The following CDH11 variants were observed in gnomAD, a reference collection of about 807,000 sequenced individuals.
CDH11 encodes the protein cadherin-11.
Under a neutral mutation model 67.8 loss-of-function variants are expected in CDH11, and 11 were observed. The ratio of observed to expected loss-of-function variants is 0.16; its 90% CI spans 0.10 to 0.27. The LOEUF (loss-of-function observed/expected upper bound fraction) is 0.27. Ranked by LOEUF, CDH11 falls within the 10% of genes least tolerant of loss-of-function variation. The probability of loss-of-function intolerance (pLI) is 1.00; values close to 1 mark genes in which losing one functional copy is unlikely to be tolerated. For missense variants in CDH11, 847 were observed against 1,031.2 expected, an observed-to-expected ratio of 0.82 and a Z score of 2.45; for synonymous variants, 419 against 400.0, an observed-to-expected ratio of 1.05 and a Z score of -0.57.
intron 11 of CDH11, among the ~76,000 whole-genome samples, chr16:64,958,051 A>G (rs545058327): frequency 2.0e-4 from 31 of 152,248 alleles, no homozygotes; most frequent in Admixed American, 3.9e-4. Context: ...ACCTGTACAC[A>G]TTACTGCATA....
intron 8 of CDH11, 76 bp from the exon 9 acceptor site, chr16:64,973,116 A>C: frequency 7.3e-7 from 1 of 1,376,666 alleles, no homozygotes; most frequent in Non-Finnish European, 1.0e-6. Flanking sequence ...TCTCCATGCT[A>C]TATTTAAATC....
rs114863277 is a variant in CDH11, at chr16:65,076,467, T to A, written c.-297-22539A>T. Among the ~76,000 whole-genome samples, 651 of 152,268 alleles carry A rather than the reference T, an allele frequency of 4.3e-3. 7 individuals are homozygous for A. Among genetic ancestry groups the A allele is most frequent in the African/African-American group, 0.015 (610 of 41,560 alleles). ...TCTCATGGCCTGAAGAAAAGGAGAC[T>A]GGGTGGAGAAAAAGGTGGAAACAAG... On this transcript the variant is annotated intron_variant, in intron 1 of 12. Transcript: ENST00000268603.
intron 1 of CDH11, among the ~76,000 whole-genome samples, chr16:65,077,711 G>T (rs773277669): frequency 6.6e-6 from 1 of 152,116 alleles, no homozygotes; most frequent in African/African-American, 2.4e-5. Flanking sequence ...TAAATATTAC[G>T]TCATTACGCA....
chr16:65,108,947 G>C (rs771531049), intron 1 of CDH11, among the ~76,000 whole-genome samples: 13 of 152,092 alleles, frequency 8.5e-5, no homozygotes, highest in Admixed American at 2.0e-4. Flanking sequence ...AAGAGTTCGA[G>C]ACCAGCCTGG....
chr16:64,959,991 A>G (rs930424811), intron 11 of CDH11, among the ~76,000 whole-genome samples: 1 of 152,076 alleles, frequency 6.6e-6, no homozygotes, highest in Non-Finnish European at 1.5e-5. Context: ...CTGCTTTCTT[A>G]TTTTTATTTT....
chr16:65,072,099 A>G (rs2074427921), intron 1 of CDH11: 1 of 152,526 alleles, frequency 6.6e-6, no homozygotes, highest in East Asian at 1.9e-4. Flanking sequence ...GACTTCCTTG[A>G]CAGGCAGATT....
At chr16:65,040,146 G>A (rs1235376320) in intron 2 of CDH11, among the ~76,000 whole-genome samples, 2 of 152,172 alleles carry the variant, frequency 1.3e-5, no homozygotes, top group Non-Finnish European at 2.9e-5. Flanking sequence ...AGTCAGTGGG[G>A]CAATTTCTCA....
At chr16:64,952,836 A>G (rs903040720) in intron 11 of CDH11, among the ~76,000 whole-genome samples, 2 of 152,034 alleles carry the variant, frequency 1.3e-5, no homozygotes, top group Admixed American at 6.6e-5. Context: ...TGTAGTAGGG[A>G]AAAAAAATCT....
chr16:64,952,200 C>G (rs772044310), intron 11 of CDH11, among the ~76,000 whole-genome samples: 1 of 152,190 alleles, frequency 6.6e-6, no homozygotes, highest in Non-Finnish European at 1.5e-5. Context: ...CAAAAGTCAT[C>G]TCTTCAGGGA....
chr16:65,085,658 G>C (rs1436449178), intron 1 of CDH11, among the ~76,000 whole-genome samples: 1 of 152,164 alleles, frequency 6.6e-6, no homozygotes, highest in Non-Finnish European at 1.5e-5. Context: ...ACTCGGTTCT[G>C]CTTTTTACTG....
chr16:65,036,641 A>T (rs2073760571), intron 2 of CDH11, among the ~76,000 whole-genome samples: 1 of 152,112 alleles, frequency 6.6e-6, no homozygotes, highest in Non-Finnish European at 1.5e-5. Flanking sequence ...TGCCTGCAGG[A>T]TGTCGTTTTG....
intron 8 of CDH11, among the ~76,000 whole-genome samples, chr16:64,973,944 G>A (rs1401148215): frequency 6.6e-6 from 1 of 152,172 alleles, no homozygotes; most frequent in Non-Finnish European, 1.5e-5. Flanking sequence ...CCATTTACTT[G>A]TAGGGCATTT....
At position 64,944,759 on chromosome 16, in the gene CDH11, A is replaced by G; in HGVS notation, c.*2844T>C. ...ACTTAGCTAAACCCAAGATCTGTCC[A>G]GAATTGCCACAGCTGGCCTAATTTC... is the stretch of plus-strand genomic sequence containing the variant. On this transcript the variant is annotated 3_prime_UTR_variant, in exon 13 of 13. Transcript: ENST00000268603. 1 of 231,530 alleles carries G rather than the reference A, an allele frequency of 4.3e-6. No individual in the cohort carries two copies. Among genetic ancestry groups the G allele is most frequent in the Non-Finnish European group, 8.6e-6 (1 of 116,884 alleles). The allele number at this position is 231,530 out of a possible 1,614,324, so 14.3% of individuals were successfully genotyped here. A position where few individuals can be genotyped will look rare whatever the true frequency, so the allele number is the denominator to read the frequency against.
rs1224862968 is a variant in CDH11 at position 65,121,997 on chromosome 16, G to A, written c.-415C>T. ...CCATTCACAAGTCAGCGGCGGCTGC[G>A]AGCGGCCCCCGCGGCATCTGCTCCT... On this transcript the variant is annotated 5_prime_UTR_variant, in exon 1 of 13. Transcript: ENST00000268603. The surrounding 1 kb of genome is among the most constrained non-coding windows in gnomAD (Gnocchi z 4.1). The A allele has an allele frequency of 4.3e-6, 3 of 700,344 alleles. No individual in the cohort carries two copies. The highest frequency in any genetic ancestry group is 4.0e-5 in the Admixed American group (2 of 49,914). The allele number at this position is 700,344 out of a possible 1,614,324, so 43.4% of individuals were successfully genotyped here. A position where few individuals can be genotyped will look rare whatever the true frequency, so the allele number is the denominator to read the frequency against.
chr16:65,045,854 A>T (rs2073953601), intron 2 of CDH11, among the ~76,000 whole-genome samples: 1 of 152,128 alleles, frequency 6.6e-6, no homozygotes. Flanking sequence ...AGTAGATCCT[A>T]GGGACCCAGT....
intron 1 of CDH11, among the ~76,000 whole-genome samples, chr16:65,111,674 A>AACACACACAC (rs71143552): frequency 0.022 from 3,151 of 140,672 alleles, 67 homozygotes; most frequent in East Asian, 0.078. Flanking sequence ...GAAAGCTAGA[A>AACACACACAC]ACACACACAC....
At position 65,019,373 on chromosome 16, in the gene CDH11, A is replaced by G. The variant is rs1242000739; in HGVS notation, c.-172-14332T>C. Among the ~76,000 whole-genome samples, 4 of 152,308 alleles carry G rather than the reference A, an allele frequency of 2.6e-5. No individual in the cohort carries two copies. In the East Asian group the frequency reaches 7.7e-4, roughly 29 times the overall value. On this transcript the variant is annotated intron_variant, in intron 2 of 12. Coordinates refer to ENST00000268603, the MANE Select transcript of CDH11 (RefSeq NM_001797.4). ...AATGCAATAACTTATTCATTGATAAAGTGGAGACTTAATTTTCCAAACAAT... is the reference window on the plus strand; with the variant it reads ...AATGCAATAACTTATTCATTGATAAGGTGGAGACTTAATTTTCCAAACAAT...
intron 1 of CDH11, among the ~76,000 whole-genome samples, chr16:65,090,193 C>T (rs1026366852): frequency 4.6e-5 from 7 of 151,052 alleles, no homozygotes; most frequent in South Asian, 2.1e-4. Context: ...TCTAAGTTTT[C>T]GCTTAATAGA....
intron 2 of CDH11, among the ~76,000 whole-genome samples, chr16:65,045,040 G>A (rs1488399279): frequency 6.6e-6 from 1 of 151,914 alleles, no homozygotes; most frequent in Non-Finnish European, 1.5e-5. Flanking sequence ...GCAGGGACGT[G>A]TGCTCCGGCT....
Sources: gnomAD v4.1 joint callset for allele counts (sites outside exome capture counted in the v4.1 genomes callset) on GRCh38, gnomAD v4.1.1 for gene constraint, Gnocchi (gnomAD v3.1) non-coding constraint, MANE v1.5 for transcripts, NCBI Gene and HGNC (gene_info 2026-07-23, HGNC 2026-07-21) for gene names.